Variants in MSMB observed in about 807,000 individuals in gnomAD.
MSMB encodes the protein microseminoprotein beta, also known as beta-microseminoprotein.
MSMB carries 10 observed loss-of-function variants against 10.5 expected under a neutral mutation model. That is an observed-to-expected ratio of 0.95 (90% CI 0.59 to 1.62). The LOEUF (loss-of-function observed/expected upper bound fraction) is 1.62, where lower values mean the gene tolerates loss of function less well. Among genes scored for constraint, MSMB ranks in the 40% most tolerant of loss-of-function variants. MSMB has a pLI of 0.00. For missense variants in MSMB, 126 were observed against 137.4 expected (o/e 0.92, Z 0.42); for synonymous variants, 43 against 46.5 (o/e 0.93, Z 0.30).
intron 1 of MSMB, among the ~76,000 whole-genome samples, chr10:46,043,533 T>C (rs1443919346): frequency 1.3e-5 from 2 of 151,342 alleles, no homozygotes; most frequent in African/African-American, 4.9e-5. Context: ...AGGGAGCTCA[T>C]AGGAAACACA....
At chr10:46,042,102 A>G (rs1031862493) in intron 1 of MSMB, among the ~76,000 whole-genome samples, 2 of 152,206 alleles carry the variant, frequency 1.3e-5, no homozygotes, top group African/African-American at 4.8e-5. Context: ...TAATCACAGC[A>G]TATATACATA....
chr10:46,040,174 G>C, intron 1 of MSMB, 83 bp from the exon 2 acceptor site: 1 of 1,190,228 alleles, frequency 8.4e-7, no homozygotes, highest in South Asian at 1.3e-5. Context: ...CCAGGATCTC[G>C]GCTGGGCTCT....
At chr10:46,035,015 T>TTAATAGTTATTA (rs1840569434) in intron 3 of MSMB, among the ~76,000 whole-genome samples, 1 of 152,104 alleles carries the variant, frequency 6.6e-6, no homozygotes, top group South Asian at 2.1e-4. Context: ...AAATAGAATG[T>TTAATAGTTATTA]TAATAGTTAT....
rs186688416 is a variant in MSMB at position 46,037,399 on chromosome 10, G to T, written c.215+1567C>A. Reference sequence around the variant, plus strand: ...TTCCTGCAGAACACTACAAGCCAAGGCTACATGAAGAGGTTAGATGGATTT... The same window carrying T: ...TTCCTGCAGAACACTACAAGCCAAGTCTACATGAAGAGGTTAGATGGATTT... On this transcript the variant is annotated intron_variant, in intron 3 of 3. Coordinates refer to ENST00000582163, the MANE Select transcript of MSMB (RefSeq NM_002443.4). Among the ~76,000 whole-genome samples, 6 of 152,290 alleles carry T rather than the reference G, an allele frequency of 3.9e-5. No individual in the cohort carries two copies. In the East Asian group the frequency reaches 1.2e-3, roughly 29 times the overall value.
At chr10:46,039,100 G>T (rs1554928034) in intron 2 of MSMB, 29 bp from the exon 3 acceptor site, 3 of 1,587,902 alleles carry the variant, frequency 1.9e-6, no homozygotes, top group Admixed American at 3.3e-5. Context: ...CATCATCAGT[G>T]CAAGTCATGC....
intron 1 of MSMB, among the ~76,000 whole-genome samples, chr10:46,041,079 C>T (rs578261770): frequency 6.6e-6 from 1 of 152,304 alleles, no homozygotes; most frequent in South Asian, 2.1e-4. Context: ...CGTGGTGGCT[C>T]ATGCCTGTAA....
At chr10:46,034,747 C>G (rs887886195) in intron 3 of MSMB, among the ~76,000 whole-genome samples, 1 of 151,690 alleles carries the variant, frequency 6.6e-6, no homozygotes, top group South Asian at 2.1e-4. Flanking sequence ...ATGGCGTGAA[C>G]CCAGGAGGCG....
chr10:46,033,487 T>G lies in MSMB; in HGVS notation c.280A>C (p.Lys94Gln). 5 of 1,613,986 alleles carry G rather than the reference T, an allele frequency of 3.1e-6. No individual in the cohort carries two copies. Among genetic ancestry groups the G allele is most frequent in the Non-Finnish European group, 4.2e-6 (5 of 1,179,882 alleles). Residue 94 changes from lysine to glutamine, a missense_variant, in exon 4 of 4, where the codon AAG (lysine) becomes CAG (glutamine). Coordinates refer to ENST00000582163, the MANE Select transcript of MSMB (RefSeq NM_002443.4). ...CQRIFKKEDC[K>Q]YIVVEKKDPK... ...TCCTTCTTCTCCACCACGATATACTTGCAGTCCTCCTTCTTGAAGATTCTT... is the reference window on the plus strand; with the variant it reads ...TCCTTCTTCTCCACCACGATATACTGGCAGTCCTCCTTCTTGAAGATTCTT...
chr10:46,033,334 T>C lies in MSMB; in HGVS notation c.*88A>G. ...AGTGTTTGCTCAAAAATCTTTTTAC[T>C]GATAGGCATGGCTACACAATCATTG... On this transcript the variant is annotated 3_prime_UTR_variant, in exon 4 of 4. Transcript: ENST00000582163. The C allele has an allele frequency of 6.6e-7, 1 of 1,514,760 alleles. No individual in the cohort carries two copies. The highest frequency in any genetic ancestry group is 8.9e-7 in the Non-Finnish European group (1 of 1,126,682). 93.8% of individuals were successfully genotyped at this position (1,514,760 alleles called of 1,614,324 possible). A position where few individuals can be genotyped will look rare whatever the true frequency, so the allele number is the denominator to read the frequency against.
chr10:46,040,670 C>T (rs1840721750), intron 1 of MSMB, among the ~76,000 whole-genome samples: 1 of 152,210 alleles, frequency 6.6e-6, no homozygotes, highest in African/African-American at 2.4e-5. Context: ...AGCCAAACTT[C>T]TCTGCCAGGC....
intron 2 of MSMB, 51 bp from the exon 3 acceptor site, chr10:46,039,122 G>A (rs1554928041): frequency 6.6e-7 from 1 of 1,514,414 alleles, no homozygotes. Context: ...ATGAGAACAA[G>A]GCCTATCAGG....
At chr10:46,038,540 G>A (rs1362572023) in intron 3 of MSMB, among the ~76,000 whole-genome samples, 3 of 152,070 alleles carry the variant, frequency 2.0e-5, no homozygotes, top group South Asian at 4.2e-4. Context: ...CGCCCGCTTC[G>A]GCCCCCCAAA....
intron 1 of MSMB, among the ~76,000 whole-genome samples, chr10:46,045,011 C>A (rs1241690697): frequency 2.6e-5 from 4 of 152,044 alleles, no homozygotes; most frequent in African/African-American, 9.7e-5. Flanking sequence ...TTTCTGAGAG[C>A]AAGTTTGTCT....
chr10:46,041,777 G>C (rs779097331), intron 1 of MSMB, among the ~76,000 whole-genome samples: 1 of 150,868 alleles, frequency 6.6e-6, no homozygotes, highest in East Asian at 1.9e-4. Flanking sequence ...CTGGGCAACA[G>C]AGTGAAACCC....
At chr10:46,038,174 C>T (rs1554927795) in intron 3 of MSMB, among the ~76,000 whole-genome samples, 1 of 152,108 alleles carries the variant, frequency 6.6e-6, no homozygotes, top group East Asian at 1.9e-4. Context: ...GCAGGATGAA[C>T]AAGTTCTGGA....
chr10:46,046,208 C>G, intron 1 of MSMB, 27 bp downstream of exon 1: 2 of 1,606,252 alleles, frequency 1.2e-6, no homozygotes, highest in Non-Finnish European at 1.7e-6. Context: ...GCTTTTCTAG[C>G]CTTTATATAT....
At chr10:46,034,551 C>T (rs894752102) in intron 3 of MSMB, among the ~76,000 whole-genome samples, 18 of 151,896 alleles carry the variant, frequency 1.2e-4, no homozygotes, top group African/African-American at 4.1e-4. Flanking sequence ...TAGGGCCGGG[C>T]GCTGTGTCTC....
chr10:46,045,258 A>C (rs1554929298), intron 1 of MSMB, among the ~76,000 whole-genome samples: 1 of 152,186 alleles, frequency 6.6e-6, no homozygotes, highest in Non-Finnish European at 1.5e-5. Flanking sequence ...TTGGCCAGGC[A>C]CAGTGGTTCA....
In MSMB at chr10:46,040,201, G is replaced by T. The variant is rs1436573671; in HGVS notation, c.4-110C>A. ...CTGGGCTCTGCTGAGAGGTTATGAT[G>T]TGGAGCTCATAACTGAACAAACCAG... On this transcript the variant is annotated intron_variant, in intron 1 of 3. Transcript: ENST00000582163. 7.5e-6 allele frequency: 6 copies of T among 801,644 alleles called. No homozygotes were observed. The South Asian group carries it at 1.1e-4, about 14-fold the overall frequency. 49.7% of individuals were successfully genotyped at this position (801,644 alleles called of 1,614,324 possible). A position where few individuals can be genotyped will look rare whatever the true frequency, so the allele number is the denominator to read the frequency against.
Sources: allele counts gnomAD v4.1 joint callset (sites outside exome capture counted in the v4.1 genomes callset), GRCh38; gene constraint gnomAD v4.1.1; transcripts MANE v1.5; gene names NCBI Gene and HGNC (gene_info 2026-07-23, HGNC 2026-07-21).